Variants in C1orf21 observed in about 807,000 individuals in gnomAD.
C1orf21 encodes the protein uncharacterized protein C1orf21.
A neutral mutation model predicts 18.7 loss-of-function variants in C1orf21; 3 were observed. The ratio of observed to expected loss-of-function variants is 0.16; its 90% confidence interval spans 0.07 to 0.42. C1orf21 has a LOEUF of 0.42. Among genes scored for constraint, C1orf21 ranks in the 10% least tolerant of loss-of-function variants. The pLI is 0.99. For synonymous variants in C1orf21, 41 were observed against 46.4 expected, an observed-to-expected ratio of 0.88 and a Z score of 0.47; for missense variants, 104 against 143.6, an observed-to-expected ratio of 0.72 and a Z score of 1.41.
In C1orf21 at chr1:184,584,133, C is replaced by CTTTTT. The variant is rs386368968; in HGVS notation, c.190-6588_190-6584dup. Among the ~76,000 whole-genome samples, 82 of 113,210 alleles carry CTTTTT rather than the reference C, an allele frequency of 7.2e-4. 1 individual carries two copies. Among genetic ancestry groups the CTTTTT allele is most frequent in the African/African-American group, 2.4e-3 (72 of 29,452 alleles). The allele number at this position is 113,210 out of a possible 152,430, so 74.3% of individuals were successfully genotyped here. A position where few individuals can be genotyped will look rare whatever the true frequency, so the allele number is the denominator to read the frequency against. On this transcript the variant is annotated intron_variant, in intron 3 of 5. Transcript: ENST00000235307. The stretch of plus-strand genomic sequence containing the variant: ...GTTGGTTTGTTTGCTTGTTCTTCTT[C>CTTTTT]TTTTTTTTTTTTTTTTTTTTTTAAG...
At chr1:184,535,970 A>G (rs1178573090) in intron 3 of C1orf21, among the ~76,000 whole-genome samples, 3 of 152,242 alleles carry the variant, frequency 2.0e-5, no homozygotes, top group African/African-American at 4.8e-5. Context: ...GAAACCTGAA[A>G]TGATGTGGTT....
chr1:184,424,246 G>C (rs1656595185), intron 1 of C1orf21, among the ~76,000 whole-genome samples: 1 of 152,034 alleles, frequency 6.6e-6, no homozygotes, highest in South Asian at 2.1e-4. Context: ...GGCCTCCTAA[G>C]GCTGAATTCA....
intron 4 of C1orf21, among the ~76,000 whole-genome samples, chr1:184,591,809 G>GAAA (rs914684201): frequency 7.7e-6 from 1 of 129,582 alleles, no homozygotes; most frequent in Non-Finnish European, 1.7e-5. Context: ...CCATCTCAAG[G>GAAA]AAAAAAAAAA....
intron 2 of C1orf21, among the ~76,000 whole-genome samples, chr1:184,506,797 A>G (rs1025936535): frequency 2.6e-5 from 4 of 152,140 alleles, no homozygotes; most frequent in Admixed American, 6.6e-5. Flanking sequence ...AGTTTGTTCT[A>G]TGGTGTATAT....
intron 1 of C1orf21, 108 bp from the exon 2 acceptor site, chr1:184,477,278 G>A (rs1338515977): frequency 4.5e-6 from 2 of 443,806 alleles, no homozygotes; most frequent in African/African-American, 2.0e-5. Context: ...CGATGGGTGG[G>A]TCTGTGCATG....
At chr1:184,400,683 G>T (rs2207525) in intron 1 of C1orf21, among the ~76,000 whole-genome samples, 10,797 of 111,280 alleles carry the variant, frequency 0.097, 1,123 homozygotes, top group African/African-American at 0.31. Context: ...GGAATTTTTT[G>T]TTGTTGTTGT....
chr1:184,398,792 TA>T (rs1392642461), intron 1 of C1orf21, among the ~76,000 whole-genome samples: 2 of 152,194 alleles, frequency 1.3e-5, no homozygotes, highest in African/African-American at 4.8e-5. Context: ...AAATATGGTA[TA>T]AAATATAAAA....
At chr1:184,559,059 G>T (rs1658916533) in intron 3 of C1orf21, among the ~76,000 whole-genome samples, 1 of 152,174 alleles carries the variant, frequency 6.6e-6, no homozygotes, top group South Asian at 2.1e-4. Context: ...TGGATAGGGA[G>T]TCCATCCCCA....
chr1:184,511,268 C>T (rs1206366889), intron 3 of C1orf21, among the ~76,000 whole-genome samples: 1 of 152,174 alleles, frequency 6.6e-6, no homozygotes, highest in African/African-American at 2.4e-5. Flanking sequence ...AACAGAACTT[C>T]ACCTGTTACT....
At chr1:184,495,167 G>T (rs748426668) in intron 2 of C1orf21, among the ~76,000 whole-genome samples, 1 of 152,086 alleles carries the variant, frequency 6.6e-6, no homozygotes, top group Non-Finnish European at 1.5e-5. Flanking sequence ...TTCTACTCTC[G>T]CCTCCCTTCC....
chr1:184,506,574 C>T (rs901731112), intron 2 of C1orf21, among the ~76,000 whole-genome samples: 13 of 152,158 alleles, frequency 8.5e-5, no homozygotes, highest in African/African-American at 2.4e-4. Flanking sequence ...TTACTTCATG[C>T]TATATGCCAG....
At chr1:184,509,890 C>A (rs1227140596) in intron 3 of C1orf21, among the ~76,000 whole-genome samples, 3 of 152,152 alleles carry the variant, frequency 2.0e-5, no homozygotes, top group Non-Finnish European at 4.4e-5. Context: ...TCAGTCTCAG[C>A]TCTGCCACTT....
At chr1:184,587,405 C>G (rs1969684) in intron 3 of C1orf21, among the ~76,000 whole-genome samples, 78,980 of 151,096 alleles carry the variant, frequency 0.52, 22,014 homozygotes, top group African/African-American at 0.73. Context: ...AATATTGATT[C>G]TTTCTATCCA....
intron 3 of C1orf21, among the ~76,000 whole-genome samples, chr1:184,545,215 C>G (rs1012648223): frequency 6.6e-6 from 1 of 152,132 alleles, no homozygotes; most frequent in African/African-American, 2.4e-5. Flanking sequence ...GCTGTGTCAC[C>G]AAGCTAAATG....
intron 1 of C1orf21, among the ~76,000 whole-genome samples, chr1:184,421,671 GT>G (rs1656549127): frequency 6.6e-6 from 1 of 152,100 alleles, no homozygotes; most frequent in South Asian, 2.1e-4. Flanking sequence ...CTCCTTTTCT[GT>G]TTTTTTAACT....
At chr1:184,574,144 G>A (rs1411319108) in intron 3 of C1orf21, among the ~76,000 whole-genome samples, 1 of 152,204 alleles carries the variant, frequency 6.6e-6, no homozygotes, top group Non-Finnish European at 1.5e-5. Context: ...GGTGGAGATT[G>A]CCGTGAGCTG....
intron 5 of C1orf21, among the ~76,000 whole-genome samples, chr1:184,611,136 A>G (rs1192000612): frequency 1.3e-5 from 2 of 152,208 alleles, no homozygotes; most frequent in Non-Finnish European, 2.9e-5. Context: ...ATTAGAATAA[A>G]GCTCATTAGA....
At chr1:184,500,907 C>T (rs559469802) in intron 2 of C1orf21, among the ~76,000 whole-genome samples, 12 of 152,278 alleles carry the variant, frequency 7.9e-5, no homozygotes, top group African/African-American at 2.6e-4. Context: ...CCCAGCCCCC[C>T]GGCAGCTGAC....
At chr1:184,597,017 A>G (rs1217962393) in intron 4 of C1orf21, among the ~76,000 whole-genome samples, 2 of 152,228 alleles carry the variant, frequency 1.3e-5, no homozygotes, top group Admixed American at 6.5e-5. Flanking sequence ...GACGGTGAAA[A>G]CATAAGGAAC....
Sources: gnomAD v4.1 joint callset for allele counts (sites outside exome capture counted in the v4.1 genomes callset) on GRCh38, gnomAD v4.1.1 for gene constraint, MANE v1.5 for transcripts, NCBI Gene and HGNC (gene_info 2026-07-23, HGNC 2026-07-21) for gene names.